ADAM2: variants seen among roughly 807,000 people sequenced by gnomAD.
The protein encoded by ADAM2 is disintegrin and metalloproteinase domain-containing protein 2.
In ADAM2, 101 loss-of-function variants were observed where a neutral mutation model predicts 99.3. The ratio of observed to expected loss-of-function variants is 1.02; its 90% CI spans 0.87 to 1.20. ADAM2 has a LOEUF of 1.20. Ranked by LOEUF, ADAM2 falls within the 50% of genes most tolerant of loss-of-function variation. The pLI is 0.00. For missense variants in ADAM2, 948 were observed against 878.7 expected (o/e 1.08, Z -1.00); for synonymous variants, 323 against 287.6 (o/e 1.12, Z -1.25).
intron 14 of ADAM2, among the ~76,000 whole-genome samples, chr8:39,764,375 A>G (rs747715893): frequency 2.6e-5 from 4 of 152,214 alleles, no homozygotes; most frequent in Non-Finnish European, 5.9e-5. Context: ...GCATCACTGT[A>G]CTACAGTTTG....
At chr8:39,785,857 G>A (rs1179502074) in intron 10 of ADAM2, among the ~76,000 whole-genome samples, 1 of 151,384 alleles carries the variant, frequency 6.6e-6, no homozygotes, top group East Asian at 1.9e-4. Flanking sequence ...AAAGACACTG[G>A]CACTTATATG....
intron 6 of ADAM2, among the ~76,000 whole-genome samples, chr8:39,812,741 C>T (rs552254329): frequency 2.0e-5 from 3 of 152,244 alleles, no homozygotes; most frequent in African/African-American, 4.8e-5. Context: ...AAACTGGATC[C>T]CTTCCTTACC....
intron 2 of ADAM2, among the ~76,000 whole-genome samples, chr8:39,834,518 A>G: frequency 6.6e-6 from 1 of 152,030 alleles, no homozygotes; most frequent in East Asian, 1.9e-4. Flanking sequence ...GCGGATCATG[A>G]GGTCAAGATT....
chr8:39,814,743 G>A (rs1804869308), intron 6 of ADAM2, among the ~76,000 whole-genome samples: 1 of 151,846 alleles, frequency 6.6e-6, no homozygotes, highest in South Asian at 2.1e-4. Context: ...CAACCAACAT[G>A]TCCTGTATTG....
At chr8:39,780,581 C>A (rs1011559613) in intron 10 of ADAM2, among the ~76,000 whole-genome samples, 6 of 152,080 alleles carry the variant, frequency 3.9e-5, no homozygotes, top group Non-Finnish European at 5.9e-5. Flanking sequence ...TCCAGAATAT[C>A]ATTGAAAGAA....
chr8:39,749,585 G>A (rs968052512), intron 17 of ADAM2, 82 bp downstream of exon 17: 1 of 1,254,802 alleles, frequency 8.0e-7, no homozygotes, highest in Non-Finnish European at 1.1e-6. Context: ...GTGTGTGTGT[G>A]CGTGTGTGTG....
intron 10 of ADAM2, 55 bp downstream of exon 10, chr8:39,786,919 G>T: frequency 1.6e-6 from 2 of 1,262,108 alleles, no homozygotes; most frequent in Non-Finnish European, 2.2e-6. Context: ...ATATGAAAAT[G>T]TGTAACTGTA....
At chr8:39,801,502 A>G (rs1342189462) in intron 7 of ADAM2, among the ~76,000 whole-genome samples, 2 of 152,166 alleles carry the variant, frequency 1.3e-5, no homozygotes, top group Non-Finnish European at 2.9e-5. Context: ...GTTGGGTGGC[A>G]TGGGGAATAG....
chr8:39,781,174 T>C (rs1803214519), intron 10 of ADAM2, among the ~76,000 whole-genome samples: 1 of 152,188 alleles, frequency 6.6e-6, no homozygotes, highest in African/African-American at 2.4e-5. Context: ...TGTTTATGTG[T>C]AGTTATGTAC....
At chr8:39,829,211 A>G (rs1805524927) in intron 3 of ADAM2, among the ~76,000 whole-genome samples, 1 of 151,948 alleles carries the variant, frequency 6.6e-6, no homozygotes, top group African/African-American at 2.4e-5. Context: ...CCTTTGAGTA[A>G]GAAAGGATTT....
At chr8:39,805,547 G>C (rs888431192) in intron 7 of ADAM2, among the ~76,000 whole-genome samples, 2 of 152,086 alleles carry the variant, frequency 1.3e-5, no homozygotes, top group East Asian at 3.9e-4. Context: ...AAAACTTTAA[G>C]AATAATTTAT....
In ADAM2 at chr8:39,762,910, T is replaced by A. The variant is rs11782121; in HGVS notation, c.1508-1629A>T. Among the ~76,000 whole-genome samples the A allele has an allele frequency of 5.7e-3, 865 of 152,346 alleles. 3 individuals carry two copies. Among genetic ancestry groups the A allele is most frequent in the Non-Finnish European group, 8.8e-3 (602 of 68,026 alleles). On this transcript the variant is annotated intron_variant, in intron 14 of 20. Transcript: ENST00000265708. Reference sequence around the variant, plus strand: ...GAGGAAGAGAGAGTGCAGAATTACATATCCAATGGATTTTGTTTCTCTGGT... The same window carrying A: ...GAGGAAGAGAGAGTGCAGAATTACAAATCCAATGGATTTTGTTTCTCTGGT...
chr8:39,793,333 A>G (rs980435864), intron 7 of ADAM2, among the ~76,000 whole-genome samples: 1 of 152,150 alleles, frequency 6.6e-6, no homozygotes, highest in Admixed American at 6.6e-5. Context: ...AAGAAATAGA[A>G]TGAATAAAAT....
At position 39,784,086 on chromosome 8, in the gene ADAM2, T is replaced by C. The variant is rs191028401; in HGVS notation, c.891+2888A>G. Among the ~76,000 whole-genome samples, 58 of 152,280 alleles carry C rather than the reference T, an allele frequency of 3.8e-4. 1 individual carries two copies. The East Asian group carries it at 0.01, about 27-fold the overall frequency. On this transcript the variant is annotated intron_variant, in intron 10 of 20. Transcript: ENST00000265708. ...GCATTGGAAGGATACAGACTCTAAA[T>C]TGCAATCTACAGCCCTGCAGGATTA... is the stretch of plus-strand genomic sequence containing the variant.
At chr8:39,764,542 T>C (rs1227302777) in intron 14 of ADAM2, among the ~76,000 whole-genome samples, 1 of 152,194 alleles carries the variant, frequency 6.6e-6, no homozygotes, top group Non-Finnish European at 1.5e-5. Flanking sequence ...TCTGCCTATA[T>C]AACCTGCCCC....
In ADAM2 at chr8:39,808,290, C is replaced by A. The variant is rs761254590; in HGVS notation, c.570+1120G>T. 8.5e-4 allele frequency among the ~76,000 whole-genome samples: 126 copies of A among 149,040 alleles called. 1 individual carries two copies. Among genetic ancestry groups the A allele is most frequent in the African/African-American group, 3.0e-3 (123 of 40,432 alleles). On this transcript the variant is annotated intron_variant, in intron 7 of 20. Coordinates refer to ENST00000265708, the MANE Select transcript of ADAM2 (RefSeq NM_001464.5). ...AGATCAATTAACTTTTTTTACACTACCAAATGAACAATCAAAATGAAAATA... is the reference window on the plus strand; with the variant it reads ...AGATCAATTAACTTTTTTTACACTAACAAATGAACAATCAAAATGAAAATA...
At chr8:39,799,025 A>C (rs558267569) in intron 7 of ADAM2, among the ~76,000 whole-genome samples, 2 of 150,210 alleles carry the variant, frequency 1.3e-5, no homozygotes, top group Non-Finnish European at 3.0e-5. Context: ...AGGGGTTTTC[A>C]TGTCTCTCTC....
At chr8:39,801,934 T>G (rs971521212) in intron 7 of ADAM2, among the ~76,000 whole-genome samples, 3 of 151,950 alleles carry the variant, frequency 2.0e-5, no homozygotes, top group Admixed American at 6.5e-5. Flanking sequence ...CCAGGGAGCT[T>G]AGGCAGTTGC....
At chr8:39,777,259 G>T in intron 10 of ADAM2, 98 bp from the exon 11 acceptor site, 1 of 924,570 alleles carries the variant, frequency 1.1e-6, no homozygotes, top group African/African-American at 1.7e-5. Flanking sequence ...ATGGAATAGG[G>T]GCATCTGTTA....
Sources: gnomAD v4.1 joint callset for allele counts (sites outside exome capture counted in the v4.1 genomes callset) on GRCh38, gnomAD v4.1.1 for gene constraint, MANE v1.5 for transcripts, NCBI Gene and HGNC (gene_info 2026-07-23, HGNC 2026-07-21) for gene names.